Variants in EOGT observed in about 807,000 individuals in gnomAD.
EOGT encodes EGF domain-specific O-linked N-acetylglucosamine transferase.
A neutral mutation model predicts 70.5 loss-of-function variants in EOGT; 55 were observed. That is an observed-to-expected ratio of 0.78 (90% confidence interval 0.63 to 0.98). The LOEUF (loss-of-function observed/expected upper bound fraction) is 0.98, where lower values mean the gene tolerates loss of function less well. EOGT is among the 50% of genes least tolerant of loss of function. The probability of loss-of-function intolerance (pLI) is 0.00; values close to 1 mark genes in which losing one functional copy is unlikely to be tolerated. For missense variants in EOGT, 703 were observed against 641.9 expected (o/e 1.10, Z -1.03); for synonymous variants, 246 against 217.1 (o/e 1.13, Z -1.17).
chr3:69,004,724 A>AC (rs373327668), intron 7 of EOGT, among the ~76,000 whole-genome samples: 1 of 151,642 alleles, frequency 6.6e-6, no homozygotes, highest in Non-Finnish European at 1.5e-5. Flanking sequence ...CCATCCCCCC[A>AC]CCCATTCCCC....
rs545216656 is a variant in EOGT at position 68,980,264 on chromosome 3, A to G, written c.1215-477T>C. ...TTAAAAACTATTTCCTTAGGACAAT[A>G]GAAGCACTTTTTAAAAAGAAACATT... On this transcript the variant is annotated intron_variant, in intron 15 of 17. Transcript: ENST00000383701. Among the ~76,000 whole-genome samples, 438 of 152,374 alleles carry G rather than the reference A, an allele frequency of 2.9e-3. 4 individuals are homozygous for G. Among genetic ancestry groups the G allele is most frequent in the African/African-American group, 0.01 (417 of 41,596 alleles).
At chr3:68,986,309 C>T (rs543329869) in intron 14 of EOGT, among the ~76,000 whole-genome samples, 14 of 152,142 alleles carry the variant, frequency 9.2e-5, no homozygotes, top group Non-Finnish European at 1.2e-4. Context: ...TTCACAGATT[C>T]CAGGGATTTG....
chr3:69,009,288 G>A (rs1023250681), intron 4 of EOGT, among the ~76,000 whole-genome samples: 18 of 152,198 alleles, frequency 1.2e-4, no homozygotes, highest in African/African-American at 4.3e-4. Flanking sequence ...AGTGCTAACC[G>A]ATCCTCTCAT....
chr3:68,979,009 T>G (rs1404589748), intron 16 of EOGT, among the ~76,000 whole-genome samples: 2 of 152,214 alleles, frequency 1.3e-5, no homozygotes, highest in Non-Finnish European at 2.9e-5. Context: ...TTTTCCTAAA[T>G]AGCCTCCTAT....
At chr3:69,003,392 G>C (rs1251188222) in intron 8 of EOGT, among the ~76,000 whole-genome samples, 1 of 152,116 alleles carries the variant, frequency 6.6e-6, no homozygotes, top group Admixed American at 6.5e-5. Context: ...CCGGTGGGAG[G>C]TAACTGAATC....
At chr3:68,992,847 G>A (rs1052930678) in intron 10 of EOGT, among the ~76,000 whole-genome samples, 2 of 152,162 alleles carry the variant, frequency 1.3e-5, no homozygotes, top group African/African-American at 2.4e-5. Context: ...TCTGTGCACC[G>A]CAGGCTCAAC....
chr3:69,004,412 A>G lies in EOGT; in HGVS notation c.586T>C (p.Ser196Pro). ...AGAGGGCTTTTGCGCTGACCTTCAGACGTCAATGTACGGATGTCAAGTTTA... is the reference window on the plus strand; with the variant it reads ...AGAGGGCTTTTGCGCTGACCTTCAGGCGTCAATGTACGGATGTCAAGTTTA... Reference protein sequence around the residue: ...HCKLDIRTLTSEGQRKSPLQS... With the variant: ...HCKLDIRTLTPEGQRKSPLQS... Residue 196 changes from serine to proline, a missense_variant, in exon 8 of 18, where the codon TCT becomes CCT. Coordinates refer to ENST00000383701, the MANE Select transcript of EOGT (RefSeq NM_001278689.2). 1 of 1,614,136 alleles carries G rather than the reference A, an allele frequency of 6.2e-7. No homozygotes were observed. Among genetic ancestry groups the G allele is most frequent in the Non-Finnish European group, 8.5e-7 (1 of 1,179,996 alleles).
At chr3:69,008,872 C>A (rs1160952143) in intron 4 of EOGT, among the ~76,000 whole-genome samples, 4 of 152,172 alleles carry the variant, frequency 2.6e-5, no homozygotes, top group African/African-American at 7.2e-5. Context: ...CCCTAAAAGA[C>A]ATATAAACTG....
chr3:69,013,135 G>A (rs2091617267), intron 1 of EOGT, among the ~76,000 whole-genome samples: 2 of 152,104 alleles, frequency 1.3e-5, no homozygotes, highest in Non-Finnish European at 2.9e-5. Flanking sequence ...CGAGCACCCC[G>A]CCGCGGCTGA....
chr3:68,980,853 A>C (rs2090619125), intron 15 of EOGT, among the ~76,000 whole-genome samples: 1 of 152,136 alleles, frequency 6.6e-6, no homozygotes, highest in African/African-American at 2.4e-5. Context: ...CCAACATGTT[A>C]CTAGTATTTC....
At chr3:69,001,212 C>A (rs977923532) in intron 9 of EOGT, among the ~76,000 whole-genome samples, 1 of 152,102 alleles carries the variant, frequency 6.6e-6, no homozygotes, top group East Asian at 1.9e-4. Context: ...CCTGCCTCGG[C>A]CTCCCACAGT....
intron 10 of EOGT, among the ~76,000 whole-genome samples, chr3:68,993,223 G>A (rs1311126284): frequency 6.6e-6 from 1 of 152,150 alleles, no homozygotes; most frequent in Non-Finnish European, 1.5e-5. Flanking sequence ...CAAATTTTCT[G>A]AACTTTGATG....
At chr3:69,002,595 A>G (rs899155738) in intron 8 of EOGT, among the ~76,000 whole-genome samples, 11 of 151,788 alleles carry the variant, frequency 7.2e-5, no homozygotes, top group Non-Finnish European at 1.3e-4. Flanking sequence ...ATTCTGAATG[A>G]TCTGCAGCCA....
intron 3 of EOGT, 73 bp from the exon 4 acceptor site, chr3:69,009,933 C>CAAAAAA (rs60324569): frequency 6.0e-4 from 155 of 256,742 alleles, no homozygotes; most frequent in South Asian, 2.4e-3. Context: ...ACAACAACAA[C>CAAAAAA]AAAAAAAAAA....
intron 4 of EOGT, among the ~76,000 whole-genome samples, chr3:69,008,953 G>T (rs1460287877): frequency 1.3e-5 from 2 of 152,220 alleles, no homozygotes; most frequent in Non-Finnish European, 2.9e-5. Flanking sequence ...ATCAAGATCA[G>T]CAGAGACCCC....
chr3:68,990,974 C>T (rs182773115), intron 10 of EOGT, among the ~76,000 whole-genome samples: 1 of 150,746 alleles, frequency 6.6e-6, no homozygotes, highest in Non-Finnish European at 1.5e-5. Flanking sequence ...TCAACACCAT[C>T]TAAAATGAAA....
intron 10 of EOGT, among the ~76,000 whole-genome samples, chr3:68,993,058 G>A (rs905261845): frequency 7.2e-5 from 11 of 152,310 alleles, no homozygotes; most frequent in East Asian, 1.9e-4. Flanking sequence ...GATGGGAAGC[G>A]GCCGCCATGA....
intron 14 of EOGT, among the ~76,000 whole-genome samples, chr3:68,987,012 G>T (rs1460459501): frequency 6.6e-6 from 1 of 152,256 alleles, no homozygotes; most frequent in Admixed American, 6.5e-5. Flanking sequence ...GAGTAAGGAT[G>T]CTGAAAATGC....
intron 10 of EOGT, among the ~76,000 whole-genome samples, chr3:68,995,060 T>C (rs756344475): frequency 6.6e-6 from 1 of 152,158 alleles, no homozygotes; most frequent in Non-Finnish European, 1.5e-5. Context: ...TTCCTTGTGA[T>C]GACAGGTTGG....
Sources: allele counts gnomAD v4.1 joint callset (sites outside exome capture counted in the v4.1 genomes callset), GRCh38; gene constraint gnomAD v4.1.1; transcripts MANE v1.5; gene names NCBI Gene and HGNC (gene_info 2026-07-23, HGNC 2026-07-21).